Variants in FER1L6 observed in about 807,000 individuals in gnomAD.
The protein encoded by FER1L6 is fer-1 like family member 6, also known as fer-1-like protein 6.
FER1L6 carries 177 observed loss-of-function variants against 219.2 expected under a neutral mutation model. That is an observed-to-expected ratio of 0.81 (90% CI 0.71 to 0.91). The LOEUF (loss-of-function observed/expected upper bound fraction) is 0.91, where lower values mean the gene tolerates loss of function less well. Ranked by LOEUF, FER1L6 falls within the 40% of genes least tolerant of loss-of-function variation. The pLI is 0.00. For missense variants in FER1L6, 2,153 were observed against 2,259.9 expected (o/e 0.95, Z 0.96); for synonymous variants, 768 against 824.3 (o/e 0.93, Z 1.17).
In FER1L6 at chr8:124,064,337, T is replaced by A; in HGVS notation, c.3329-10T>A. 1.2e-6 allele frequency: 2 copies of A among 1,611,134 alleles called. No individual in the cohort carries two copies. Among genetic ancestry groups the A allele is most frequent in the Non-Finnish European group, 1.7e-6 (2 of 1,177,782 alleles). Reference sequence around the variant, plus strand: ...GCCCAGCTCCCTGACCTGATGTGCTTTCATTTCAGATATTTCAGATTCGCT... The same window carrying A: ...GCCCAGCTCCCTGACCTGATGTGCTATCATTTCAGATATTTCAGATTCGCT... On this transcript the variant is annotated splice_polypyrimidine_tract_variant and intron_variant, in intron 25 of 40. Transcript: ENST00000522917.
intron 1 of FER1L6, among the ~76,000 whole-genome samples, chr8:123,913,357 A>G (rs1012325666): frequency 6.6e-6 from 1 of 152,160 alleles, no homozygotes; most frequent in Non-Finnish European, 1.5e-5. Flanking sequence ...TATATTTGAT[A>G]TTTACAAAAA....
chr8:124,057,135 C>G (rs1228235122), intron 22 of FER1L6, among the ~76,000 whole-genome samples: 1 of 152,202 alleles, frequency 6.6e-6, no homozygotes, highest in East Asian at 1.9e-4. Context: ...CAACTTTATC[C>G]CAGAGTTCAC....
intron 15 of FER1L6, among the ~76,000 whole-genome samples, chr8:124,016,966 C>A (rs1293960389): frequency 6.6e-6 from 1 of 152,068 alleles, no homozygotes; most frequent in East Asian, 1.9e-4. Flanking sequence ...TTACACCCAC[C>A]TTCCATAGAG....
intron 1 of FER1L6, among the ~76,000 whole-genome samples, chr8:123,919,175 G>A (rs536646363): frequency 6.6e-6 from 1 of 152,332 alleles, no homozygotes; most frequent in South Asian, 2.1e-4. Context: ...CTGGAGGCCA[G>A]AAGAGAGAGT....
In FER1L6 at chr8:123,853,650, G is replaced by A. The variant is rs146667368; in HGVS notation, c.-8+1465G>A. 9.2e-3 allele frequency among the ~76,000 whole-genome samples: 1,407 copies of A among 152,292 alleles called. 11 individuals are homozygous for A. Among genetic ancestry groups the A allele is most frequent in the African/African-American group, 0.031 (1,289 of 41,540 alleles). On this transcript the variant is annotated intron_variant, in intron 1 of 40. Transcript: ENST00000522917. This position sits in a 1 kb window ranked among gnomAD's most constrained non-coding sequence, Gnocchi z 6.6. ...TAGGTACGCCTCACCACGGGCAAGC[G>A]TGGAGTAACATATTTTGAGAGAACC...
intron 15 of FER1L6, among the ~76,000 whole-genome samples, chr8:124,016,867 G>A (rs1818224543): frequency 6.6e-6 from 1 of 151,804 alleles, no homozygotes; most frequent in South Asian, 2.1e-4. Flanking sequence ...ATTTTTGAAG[G>A]GTAAGAATTC....
chr8:123,904,462 A>G (rs1812917293), intron 1 of FER1L6, among the ~76,000 whole-genome samples: 1 of 152,096 alleles, frequency 6.6e-6, no homozygotes, highest in South Asian at 2.1e-4. Flanking sequence ...CCAAGCAACT[A>G]CTTATGAGAG....
chr8:124,015,915 G>C (rs986757693), intron 15 of FER1L6: 1 of 152,636 alleles, frequency 6.6e-6, no homozygotes, highest in African/African-American at 2.4e-5. Flanking sequence ...CCCCCAAACT[G>C]TTCATGGCCA....
intron 1 of FER1L6, among the ~76,000 whole-genome samples, chr8:123,911,993 A>G (rs1045790421): frequency 1.3e-5 from 2 of 152,126 alleles, no homozygotes; most frequent in Admixed American, 6.5e-5. Flanking sequence ...CTCTATTAGC[A>G]ATAGGGAATC....
chr8:123,917,292 A>T (rs1462611944), intron 1 of FER1L6, among the ~76,000 whole-genome samples: 2 of 152,216 alleles, frequency 1.3e-5, no homozygotes, highest in Non-Finnish European at 2.9e-5. Context: ...CATAAATCTA[A>T]TTTTTAAGGT....
intron 15 of FER1L6, among the ~76,000 whole-genome samples, chr8:124,015,571 CTATATATA>C (rs781161909): frequency 0.023 from 974 of 43,268 alleles, 57 homozygotes; most frequent in African/African-American, 0.046. Context: ...ATTATAAAAG[CTATATATA>C]TATATATATA....
chr8:124,092,294 A>G (rs1270027088), intron 34 of FER1L6, among the ~76,000 whole-genome samples: 3 of 152,192 alleles, frequency 2.0e-5, no homozygotes, highest in Non-Finnish European at 4.4e-5. Context: ...TGACAATGCT[A>G]TAATGAACTT....
At chr8:123,956,535 G>A (rs1815030038) in intron 2 of FER1L6, among the ~76,000 whole-genome samples, 1 of 152,238 alleles carries the variant, frequency 6.6e-6, no homozygotes, top group African/African-American at 2.4e-5. Flanking sequence ...CATCTTCGCA[G>A]TAGGTATTGT....
intron 36 of FER1L6, 36 bp downstream of exon 36, chr8:124,097,395 A>T (rs1317052449): frequency 3.5e-6 from 5 of 1,410,220 alleles, no homozygotes; most frequent in African/African-American, 2.8e-5. Context: ...AGGGGAAGAG[A>T]CCAGGGTAGC....
chr8:123,893,105 G>C (rs1179855600), intron 1 of FER1L6, among the ~76,000 whole-genome samples: 2 of 152,104 alleles, frequency 1.3e-5, no homozygotes, highest in African/African-American at 4.8e-5. Context: ...CTGGGTCATT[G>C]GTTATGGCTG....
At chr8:123,981,200 G>A (rs2130340595) in intron 11 of FER1L6, among the ~76,000 whole-genome samples, 1 of 152,292 alleles carries the variant, frequency 6.6e-6, no homozygotes, top group East Asian at 1.9e-4. Context: ...GATGAGGAAT[G>A]AAGAGGAGGA....
At chr8:123,905,094 T>A (rs539452062) in intron 1 of FER1L6, among the ~76,000 whole-genome samples, 1 of 152,310 alleles carries the variant, frequency 6.6e-6, no homozygotes, top group East Asian at 1.9e-4. Flanking sequence ...AATTTTTTTT[T>A]ATTTTAAGTT....
chr8:124,005,866 G>C (rs1817633056), intron 13 of FER1L6, among the ~76,000 whole-genome samples: 1 of 152,148 alleles, frequency 6.6e-6, no homozygotes, highest in South Asian at 2.1e-4. Flanking sequence ...AAAGCATTTA[G>C]GACAAAGCAG....
intron 1 of FER1L6, among the ~76,000 whole-genome samples, chr8:123,894,541 G>C (rs956159526): frequency 2.0e-5 from 3 of 152,158 alleles, no homozygotes; most frequent in Non-Finnish European, 4.4e-5. Context: ...CTAAACAATT[G>C]TAAAATGCTC....
Sources: gnomAD v4.1 joint callset for allele counts (sites outside exome capture counted in the v4.1 genomes callset) on GRCh38, gnomAD v4.1.1 for gene constraint, Gnocchi (gnomAD v3.1) non-coding constraint, MANE v1.5 for transcripts, NCBI Gene and HGNC (gene_info 2026-07-23, HGNC 2026-07-21) for gene names.